GCKR: variants seen among roughly 807,000 people sequenced by gnomAD.
GCKR encodes glucokinase regulator.
A neutral mutation model predicts 82.9 loss-of-function variants in GCKR; 73 were observed. That is an observed-to-expected ratio of 0.88 (90% CI 0.73 to 1.07). The LOEUF (loss-of-function observed/expected upper bound fraction) is 1.07, where lower values mean the gene tolerates loss of function less well. GCKR is among the 50% of genes least tolerant of loss of function. The pLI is 0.00. For missense variants in GCKR, 784 were observed against 782.1 expected (o/e 1.00, Z -0.03); for synonymous variants, 294 against 291.8 (o/e 1.01, Z -0.08).
intron 1 of GCKR, 109 bp from the exon 2 acceptor site, chr2:27,497,135 C>T (rs1021807961): frequency 2.6e-5 from 34 of 1,314,232 alleles, no homozygotes; most frequent in African/African-American, 1.0e-4. Flanking sequence ...TATGTGTGTG[C>T]GTGTGTGTAA....
intron 16 of GCKR, 52 bp from the exon 17 acceptor site, chr2:27,518,736 C>G: frequency 6.7e-7 from 1 of 1,494,956 alleles, no homozygotes; most frequent in South Asian, 1.1e-5. Flanking sequence ...GTTCACTCTG[C>G]TGCTTTTCTG....
At chr2:27,512,568 C>G (rs1005073150) in intron 16 of GCKR, among the ~76,000 whole-genome samples, 1 of 151,680 alleles carries the variant, frequency 6.6e-6, no homozygotes, top group Non-Finnish European at 1.5e-5. Flanking sequence ...ATTGGAGATG[C>G]CTGATATGTT....
At position 27,518,842 on chromosome 2, in the gene GCKR, G is replaced by C; in HGVS notation, c.1477G>C (p.Ala493Pro). 1.9e-6 allele frequency: 3 copies of C among 1,610,246 alleles called. No homozygotes were observed. The highest frequency in any genetic ancestry group is 2.5e-6 in the Non-Finnish European group (3 of 1,176,518). ...GGTGCTGAATACAGTGAGTACAGGTGCTCATGTGCTTCTTGGTAAGATCCT... is the reference window on the plus strand; with the variant it reads ...GGTGCTGAATACAGTGAGTACAGGTCCTCATGTGCTTCTTGGTAAGATCCT... The part of the protein sequence containing the change: ...KWVLNTVSTG[A>P]HVLLGKILQN... The change falls in exon 17 of 19, where the codon GCT (alanine) becomes CCT (proline). Residue 493 changes from alanine to proline, a missense_variant. Coordinates refer to ENST00000264717, the MANE Select transcript of GCKR (RefSeq NM_001486.4).
At chr2:27,520,847 C>T (rs955374353) in intron 17 of GCKR, among the ~76,000 whole-genome samples, 9 of 151,518 alleles carry the variant, frequency 5.9e-5, no homozygotes, top group Non-Finnish European at 1.3e-4. Flanking sequence ...ACCAGCCTGG[C>T]CAACATGGTG....
chr2:27,519,755 C>T (rs1163590697), intron 17 of GCKR, among the ~76,000 whole-genome samples: 2 of 152,166 alleles, frequency 1.3e-5, no homozygotes, highest in Non-Finnish European at 2.9e-5. Flanking sequence ...TTGCTTGGGA[C>T]ACATGCATGT....
At position 27,497,359 on chromosome 2, in the gene GCKR, A is replaced by T; in HGVS notation, c.176A>T (p.Glu59Val). 6.2e-7 allele frequency: 1 copy of T among 1,614,234 alleles called. No individual in the cohort carries two copies. Among genetic ancestry groups the T allele is most frequent in the South Asian group, 1.1e-5 (1 of 91,086 alleles). Residue 59 changes from glutamate to valine, a missense_variant, in exon 2 of 19, where the codon GAG (glutamate) becomes GTG (valine). Transcript: ENST00000264717. ...IVRLLGQCDAEIFQEEGQALS... is the reference protein window; with the variant it reads ...IVRLLGQCDAVIFQEEGQALS... ...CGACTGCTAGGGCAATGTGATGCTG[A>T]GATCTTCCAGGAGGAGGGGCAAGCC...
chr2:27,507,579 T>C (rs1160278595), intron 13 of GCKR, 102 bp from the exon 14 acceptor site: 1 of 771,776 alleles, frequency 1.3e-6, no homozygotes, highest in Non-Finnish European at 2.4e-6. Flanking sequence ...CTTTCACCTG[T>C]GCACAAAAGT....
intron 8 of GCKR, 59 bp from the exon 9 acceptor site, chr2:27,503,455 G>C: frequency 1.1e-6 from 1 of 895,064 alleles, no homozygotes; most frequent in Non-Finnish European, 1.9e-6. Context: ...TCCCAGCTGA[G>C]GCCCTTCTTT....
At chr2:27,504,865 G>A (rs1027072671) in intron 9 of GCKR, among the ~76,000 whole-genome samples, 3 of 151,902 alleles carry the variant, frequency 2.0e-5, no homozygotes, top group Non-Finnish European at 4.4e-5. Flanking sequence ...AGTGGCTCAC[G>A]CCTGTAATCC....
At chr2:27,499,299 T>G in intron 6 of GCKR, 91 bp downstream of exon 6, 7 of 1,349,260 alleles carry the variant, frequency 5.2e-6, no homozygotes, top group Middle Eastern at 1.8e-4. Context: ...AAAGCCTATT[T>G]CCTCCCTCCC....
chr2:27,518,773 G>A lies in GCKR; in HGVS notation c.1423-15G>A, dbSNP rs1670074199. On this transcript the variant is annotated splice_polypyrimidine_tract_variant and intron_variant, in intron 16 of 18. Transcript: ENST00000264717. Reference sequence around the variant, plus strand: ...CCTCTAATTTTTGACACCCCCATGTGTCTGCCCTTTTCAGAAGTTCCAGCG... The same window carrying A: ...CCTCTAATTTTTGACACCCCCATGTATCTGCCCTTTTCAGAAGTTCCAGCG... The A allele has an allele frequency of 6.2e-6, 10 of 1,610,726 alleles. No individual in the cohort carries two copies. Among genetic ancestry groups the A allele is most frequent in the Non-Finnish European group, 8.5e-6 (10 of 1,176,810 alleles).
At chr2:27,505,564 A>G (rs1268780480) in intron 9 of GCKR, among the ~76,000 whole-genome samples, 154 bp from the exon 10 acceptor site, 2 of 151,884 alleles carry the variant, frequency 1.3e-5, no homozygotes, top group Non-Finnish European at 2.9e-5. Flanking sequence ...CCTCTTTCTA[A>G]TCTTCCTCTC....
At chr2:27,518,701 G>A in intron 16 of GCKR, 87 bp from the exon 17 acceptor site, 1 of 1,103,582 alleles carries the variant, frequency 9.1e-7, no homozygotes, top group South Asian at 1.2e-5. Context: ...TTGACAGTTG[G>A]TTTCCTGTCT....
At position 27,522,583 on chromosome 2, in the gene GCKR, G is replaced by A; in HGVS notation, c.1696G>A (p.Glu566Lys). 1 of 1,613,744 alleles carries A rather than the reference G, an allele frequency of 6.2e-7. No individual in the cohort carries two copies. Among genetic ancestry groups the A allele is most frequent in the Non-Finnish European group, 8.5e-7 (1 of 1,179,632 alleles). The change falls in exon 18 of 19, where the codon GAG becomes AAG. Residue 566 changes from glutamate to lysine, a missense_variant. Physicochemically the swap from Glu to Lys is moderately conservative, Grantham distance 56. Coordinates refer to ENST00000264717, the MANE Select transcript of GCKR (RefSeq NM_001486.4). ...PISCHVQVAH[E>K]KEQVIPIALL... Reference sequence around the variant, plus strand: ...CTCCTGCCATGTCCAGGTTGCACATGAGAAGGAACAGGTATCCTGCCCACT... The same window carrying A: ...CTCCTGCCATGTCCAGGTTGCACATAAGAAGGAACAGGTATCCTGCCCACT...
chr2:27,508,084 C>A lies in GCKR; in HGVS notation c.1338+10C>A. On this transcript the variant is annotated intron_variant, in intron 15 of 18. Coordinates refer to ENST00000264717, the MANE Select transcript of GCKR (RefSeq NM_001486.4). ...GGGTCAGACCTTGCTGGTGAGAGTC[C>A]AGCCGTGACAAAGGGACCCAGGTGG... 3 of 1,607,468 alleles carry A rather than the reference C, an allele frequency of 1.9e-6. No individual in the cohort carries two copies. Among genetic ancestry groups the A allele is most frequent in the Non-Finnish European group, 2.6e-6 (3 of 1,174,112 alleles).
At chr2:27,511,492 T>C (rs952735955) in intron 16 of GCKR, among the ~76,000 whole-genome samples, 3 of 150,840 alleles carry the variant, frequency 2.0e-5, no homozygotes, top group Non-Finnish European at 4.4e-5. Flanking sequence ...AGGTCAAGAG[T>C]TCGAGACCAC....
intron 17 of GCKR, among the ~76,000 whole-genome samples, chr2:27,522,177 C>G (rs186570482): frequency 1.4e-4 from 22 of 152,230 alleles, no homozygotes; most frequent in African/African-American, 5.3e-4. Flanking sequence ...AGATTACCAA[C>G]CTACAGGATT....
At chr2:27,501,302 C>G in intron 8 of GCKR, 73 bp downstream of exon 8, 1 of 929,364 alleles carries the variant, frequency 1.1e-6, no homozygotes, top group Non-Finnish European at 1.8e-6. Flanking sequence ...ACAGTACAAC[C>G]ACAAGGGAGA....
chr2:27,518,541 A>G (rs1357796198), intron 16 of GCKR, among the ~76,000 whole-genome samples: 1 of 152,222 alleles, frequency 6.6e-6, no homozygotes, highest in Non-Finnish European at 1.5e-5. Context: ...GGAAGGACTC[A>G]GAGAACATGT....
Sources: gnomAD v4.1 joint callset for allele counts (sites outside exome capture counted in the v4.1 genomes callset) on GRCh38, gnomAD v4.1.1 for gene constraint, MANE v1.5 for transcripts, NCBI Gene and HGNC (gene_info 2026-07-23, HGNC 2026-07-21) for gene names.